The following KDM3B variants were observed in gnomAD, a reference collection of about 807,000 sequenced individuals.
The protein encoded by KDM3B is lysine-specific demethylase 3B.
A neutral mutation model predicts 170.0 loss-of-function variants in KDM3B; 10 were observed. The observed-to-expected ratio is 0.06, with a 90% confidence interval of 0.04 to 0.10. The LOEUF is 0.10. KDM3B is among the 10% of genes least tolerant of loss of function. The pLI, the probability that KDM3B is intolerant of heterozygous loss-of-function variation, is 1.00. For synonymous variants in KDM3B, 831 were observed against 834.8 expected, an observed-to-expected ratio of 1.00 and a Z score of 0.08; for missense variants, 1,394 against 2,195.2, an observed-to-expected ratio of 0.64 and a Z score of 7.29.
chr5:138,420,618 C>T, intron 14 of KDM3B, 88 bp from the exon 15 acceptor site: 2 of 1,421,188 alleles, frequency 1.4e-6, no homozygotes, highest in Non-Finnish European at 2.0e-6. Flanking sequence ...AATCTTTCCT[C>T]CTTCCCATGT....
intron 17 of KDM3B, 142 bp from the exon 18 acceptor site, chr5:138,426,833 A>C (rs1763407032): frequency 6.8e-5 from 40 of 588,192 alleles, no homozygotes; most frequent in East Asian, 6.1e-5. Context: ...ACTGCACTGC[A>C]GCCCGGGTGA....
chr5:138,394,677 C>T (rs1403504823), intron 9 of KDM3B, among the ~76,000 whole-genome samples: 1 of 152,076 alleles, frequency 6.6e-6, no homozygotes, highest in Non-Finnish European at 1.5e-5. Flanking sequence ...AATGATGGGT[C>T]CACATTTTAA....
At chr5:138,418,130 A>C (rs1303077930) in intron 13 of KDM3B, 1 of 122,318 alleles carries the variant, frequency 8.2e-6, no homozygotes, top group African/African-American at 3.2e-5. Flanking sequence ...CCCATACTGG[A>C]GTGCAGTGGC....
At chr5:138,358,504 C>T (rs1761514841) in intron 1 of KDM3B, among the ~76,000 whole-genome samples, 1 of 151,432 alleles carries the variant, frequency 6.6e-6, no homozygotes, top group South Asian at 2.1e-4. Context: ...CGGGGTTTCG[C>T]CATGTTGGCC....
Position 138,408,260 on chromosome 5 carries a change from G to A in KDM3B, c.3200-6872G>A, listed in dbSNP as rs569780466. On this transcript the variant is annotated intron_variant, in intron 11 of 23. Coordinates refer to ENST00000314358, the MANE Select transcript of KDM3B (RefSeq NM_016604.4). The stretch of plus-strand genomic sequence containing the variant: ...TCAGACGCCGCCGCCTCAAGCCTGA[G>A]TAAAATCCAGCACATCTGCCACCAA... Among the ~76,000 whole-genome samples the A allele has an allele frequency of 4.6e-5, 7 of 152,042 alleles. No homozygotes were observed. The East Asian group carries it at 1.2e-3, about 25-fold the overall frequency.
Position 138,385,437 on chromosome 5 carries a change from T to C in KDM3B, c.781-585T>C, listed in dbSNP as rs370993002. Among the ~76,000 whole-genome samples, 22 of 152,358 alleles carry C rather than the reference T, an allele frequency of 1.4e-4. No homozygotes were observed. In the East Asian group the frequency reaches 3.1e-3, roughly 21 times the overall value. The stretch of plus-strand genomic sequence containing the variant: ...TAGTAGAGATGGGGTTTCACCATGT[T>C]GGCCAGGATGGTCTCAATCTCCTGA... On this transcript the variant is annotated intron_variant, in intron 6 of 23. Transcript: ENST00000314358.
chr5:138,425,068 G>A (rs1177337142), intron 16 of KDM3B, among the ~76,000 whole-genome samples: 1 of 152,220 alleles, frequency 6.6e-6, no homozygotes, highest in African/African-American at 2.4e-5. Flanking sequence ...TTTAGCAGGT[G>A]CTTGAGGAAG....
At chr5:138,411,885 A>G (rs1762978704) in intron 11 of KDM3B, among the ~76,000 whole-genome samples, 2 of 150,690 alleles carry the variant, frequency 1.3e-5, no homozygotes, top group South Asian at 4.2e-4. Flanking sequence ...TATTTTTAGT[A>G]GAGAAAGGAT....
chr5:138,393,890 G>A (rs1282314791), intron 9 of KDM3B, among the ~76,000 whole-genome samples: 1 of 151,846 alleles, frequency 6.6e-6, no homozygotes, highest in African/African-American at 2.4e-5. Context: ...ACTTAGAAGG[G>A]GAGTTTCTTC....
chr5:138,370,674 A>G (rs1372169257), intron 1 of KDM3B, among the ~76,000 whole-genome samples: 5 of 152,234 alleles, frequency 3.3e-5, no homozygotes, highest in Non-Finnish European at 7.3e-5. Flanking sequence ...TTCACTCTAC[A>G]GGAAATGCCT....
intron 7 of KDM3B, among the ~76,000 whole-genome samples, chr5:138,388,765 T>TA (rs1273346412): frequency 6.6e-6 from 1 of 152,048 alleles, no homozygotes. Context: ...TGAGCCAAGA[T>TA]TGCGCCACTG....
rs928333791 is a variant in KDM3B at position 138,435,942 on chromosome 5, T to G, written c.*242T>G. 2 of 442,374 alleles carry G rather than the reference T, an allele frequency of 4.5e-6. No individual in the cohort carries two copies. Among genetic ancestry groups the G allele is most frequent in the East Asian group, 7.6e-5 (2 of 26,306 alleles). 27.4% of individuals were successfully genotyped at this position (442,374 alleles called of 1,614,324 possible). On this transcript the variant is annotated 3_prime_UTR_variant, in exon 24 of 24. Coordinates refer to ENST00000314358, the MANE Select transcript of KDM3B (RefSeq NM_016604.4). ...CCAAGAGTGCCACATCCCTATCCTG[T>G]GGCCTTTTGGAAATCCAAATTGCCT...
intron 14 of KDM3B, 60 bp from the exon 15 acceptor site, chr5:138,420,646 C>T: frequency 1.3e-6 from 2 of 1,570,228 alleles, no homozygotes; most frequent in Non-Finnish European, 1.7e-6. Flanking sequence ...TTTTAGGAGT[C>T]AGTTGTGTGC....
At chr5:138,382,789 A>T (rs1762158514) in intron 6 of KDM3B, among the ~76,000 whole-genome samples, 1 of 152,100 alleles carries the variant, frequency 6.6e-6, no homozygotes, top group Admixed American at 6.6e-5. Context: ...GGCCAGGGTT[A>T]AATTTAAGAA....
intron 9 of KDM3B, chr5:138,397,941 G>A (rs1051620076): frequency 3.1e-5 from 13 of 419,570 alleles, no homozygotes; most frequent in African/African-American, 2.6e-4. Context: ...TGTAGAACAG[G>A]TGAATGGAAA....
chr5:138,384,446 A>G (rs1270249254), intron 6 of KDM3B, among the ~76,000 whole-genome samples: 2 of 151,936 alleles, frequency 1.3e-5, no homozygotes, highest in African/African-American at 2.4e-5. Context: ...CTAAAAAAAT[A>G]CAAAAATTAG....
chr5:138,383,458 G>A (rs369786337), intron 6 of KDM3B, among the ~76,000 whole-genome samples: 11 of 152,234 alleles, frequency 7.2e-5, no homozygotes, highest in African/African-American at 2.6e-4. Flanking sequence ...GTTTTTAGCA[G>A]CAGATGTTGG....
chr5:138,417,734 A>C (rs1214384483), intron 13 of KDM3B, 124 bp downstream of exon 13: 2 of 961,750 alleles, frequency 2.1e-6, no homozygotes, highest in African/African-American at 3.3e-5. Context: ...GAGATGGAGA[A>C]GCCTTTCTAG....
At chr5:138,367,796 C>T (rs1290470026) in intron 1 of KDM3B, among the ~76,000 whole-genome samples, 1 of 152,022 alleles carries the variant, frequency 6.6e-6, no homozygotes, top group Non-Finnish European at 1.5e-5. Context: ...AGGTGGATCA[C>T]GAGGTCAGGA....
Sources: gnomAD v4.1 joint callset for allele counts (sites outside exome capture counted in the v4.1 genomes callset) on GRCh38, gnomAD v4.1.1 for gene constraint, MANE v1.5 for transcripts, NCBI Gene and HGNC (gene_info 2026-07-23, HGNC 2026-07-21) for gene names.